GGT1: variants seen among roughly 807,000 people sequenced by gnomAD.
The protein encoded by GGT1 is gamma-glutamyltransferase 1, also known as glutathione hydrolase 1 proenzyme.
Under a neutral mutation model 56.0 loss-of-function variants are expected in GGT1, and 21 were observed. The ratio of observed to expected loss-of-function variants is 0.38; its 90% confidence interval spans 0.27 to 0.54. The LOEUF (loss-of-function observed/expected upper bound fraction) is 0.54. GGT1 is among the 20% of genes least tolerant of loss of function. GGT1 has a pLI of 0.82. For missense variants in GGT1, 466 were observed against 787.0 expected (o/e 0.59, Z 4.88); for synonymous variants, 238 against 342.6 (o/e 0.69, Z 3.37).
chr22:24,626,246 G>A (rs2047755601), intron 11 of GGT1, among the ~76,000 whole-genome samples: 1 of 148,730 alleles, frequency 6.7e-6, no homozygotes, highest in Non-Finnish European at 1.5e-5. Flanking sequence ...CCCTCCCAAA[G>A]TGCTGGGATT....
At chr22:24,624,706 T>C (rs4049834) in intron 11 of GGT1, 1 of 979,346 alleles carries the variant, frequency 1.0e-6, no homozygotes, top group African/African-American at 1.8e-5. Context: ...CAATGCTCCT[T>C]TCTGCCTCTG....
intron 5 of GGT1, among the ~76,000 whole-genome samples, chr22:24,612,938 G>T (rs1162651013): frequency 6.6e-6 from 1 of 152,042 alleles, no homozygotes; most frequent in South Asian, 2.1e-4. Flanking sequence ...TGATCTTCCC[G>T]CCTCAGCTTC....
chr22:24,627,963 C>T lies in GGT1; in HGVS notation c.1320C>T (p.Ala440=), dbSNP rs766628439. The part of the protein sequence containing the change: ...TNEFGVPPSP[A]NFIQPGKQPL... ...AGTTTGGGGTACCCCCCTCACCTGC[C>T]AATTTCATCCAGCCAGGTATGGGGT... Residue 440 remains alanine (A), a synonymous_variant, in exon 13 of 16, where the codon GCC becomes GCT. Transcript: ENST00000400382. 2 of 1,564,268 alleles carry T rather than the reference C, an allele frequency of 1.3e-6. No homozygotes were observed. The highest frequency in any genetic ancestry group is 1.1e-5 in the South Asian group (1 of 90,094).
the GGT1 span, chr22:24,586,516 A>G: frequency 8.3e-7 from 1 of 1,201,388 alleles, no homozygotes; most frequent in African/African-American, 1.5e-5. Flanking sequence ...AGTCTGGCAA[A>G]GCCAGATTCA....
chr22:24,612,351 G>A (rs1268031222), intron 5 of GGT1, among the ~76,000 whole-genome samples: 6 of 145,330 alleles, frequency 4.1e-5, no homozygotes, highest in Non-Finnish European at 9.0e-5. Flanking sequence ...TGTGCACAAT[G>A]TGCAGGTTTG....
chr22:24,621,015 G>A lies in GGT1; in HGVS notation c.678G>A (p.Gln226=). The stretch of plus-strand genomic sequence containing the variant: ...AGACGCTGGCCATCGAGGGTGCCCA[G>A]GCCTTCTACAACGGCAGCCTCACGG... ...TYETLAIEGA[Q]AFYNGSLTAQ... Residue 226 remains glutamine, a synonymous_variant, in exon 9 of 16, where the codon CAG becomes CAA. Coordinates refer to ENST00000400382, the MANE Select transcript of GGT1 (RefSeq NM_001288833.2). 6.2e-7 allele frequency: 1 copy of A among 1,610,016 alleles called. No individual in the cohort carries two copies. The highest frequency in any genetic ancestry group is 8.5e-7 in the Non-Finnish European group (1 of 1,178,926).
In GGT1 at chr22:24,628,825, C is replaced by G. The variant is rs2047949532; in HGVS notation, c.1696C>G (p.Pro566Ala). The change falls in exon 16 of 16, where the codon CCT becomes GCT. Residue 566 changes from proline to alanine, a missense_variant. Pro to Ala is a conservative substitution (Grantham distance 27, BLOSUM62 -1). Around this residue, in one of 2 missense-constraint regions of GGT1, gnomAD observed 10 missense variants for 70.3 expected, o/e 0.14. Coordinates refer to ENST00000400382, the MANE Select transcript of GGT1 (RefSeq NM_001288833.2). This position sits in a 1 kb window ranked among gnomAD's most constrained non-coding sequence, Gnocchi z 5.7. ...AASDSRKGGE[P>A]AGY is the part of the protein sequence containing the mutation. ...CTCGGACTCCAGGAAAGGCGGGGAG[C>G]CTGCCGGCTACTGAGTGCTCCAGGA... 1.9e-6 allele frequency: 3 copies of G among 1,601,896 alleles called. No homozygotes were observed. The highest frequency in any genetic ancestry group is 1.3e-5 in the African/African-American group (1 of 74,700).
chr22:24,604,052 G>A (rs1346497472), intron 1 of GGT1, among the ~76,000 whole-genome samples: 1 of 152,096 alleles, frequency 6.6e-6, no homozygotes, highest in Non-Finnish European at 1.5e-5. Flanking sequence ...CGCAAGGGTG[G>A]AAACTGTGAG....
the GGT1 span, chr22:24,588,254 G>C: frequency 1.2e-6 from 2 of 1,613,580 alleles, no homozygotes; most frequent in Non-Finnish European, 1.7e-6. Flanking sequence ...GACCCTTGCT[G>C]CTGCTTCGAG....
In GGT1 at chr22:24,607,967, G is replaced by A. The variant is rs2076999; in HGVS notation, c.-415G>A. 175,997 of 468,200 alleles carry A rather than the reference G, an allele frequency of 0.38. 34,828 individuals carry two copies. Among genetic ancestry groups the A allele is most frequent in the African/African-American group, 0.54 (27,073 of 49,880 alleles). The allele number at this position is 468,200 out of a possible 1,614,324, so 29.0% of individuals were successfully genotyped here. A position where few individuals can be genotyped will look rare whatever the true frequency, so the allele number is the denominator to read the frequency against. On this transcript the variant is annotated 5_prime_UTR_variant, in exon 2 of 16. Transcript: ENST00000400382. ...CTTCCTCCCCAGCGGGTGCAGCCCA[G>A]AACTGTCTTCTGAGGAAGAGGTGCT...
intron 5 of GGT1, among the ~76,000 whole-genome samples, chr22:24,611,736 C>G (rs1379299576): frequency 6.6e-6 from 1 of 151,424 alleles, no homozygotes; most frequent in Non-Finnish European, 1.5e-5. Context: ...TCCCAAGTAG[C>G]TGGGATTACA....
At chr22:24,616,548 T>C (rs564738347) in intron 7 of GGT1, among the ~76,000 whole-genome samples, 5 of 149,508 alleles carry the variant, frequency 3.3e-5, no homozygotes, top group South Asian at 4.2e-4. Context: ...TTTTTCTTTT[T>C]TTTTTCTTTT....
intron 7 of GGT1, among the ~76,000 whole-genome samples, chr22:24,616,854 T>C (rs1009966674): frequency 2.1e-5 from 3 of 145,622 alleles, no homozygotes; most frequent in Non-Finnish European, 4.4e-5. Flanking sequence ...CAATCTTTCA[T>C]TTTTTTTTAA....
In GGT1 at chr22:24,623,392, C is replaced by T. The variant is rs1370893230; in HGVS notation, c.883+136C>T. The stretch of plus-strand genomic sequence containing the variant: ...ACTGAGCTCCCGAGGTGTGTCCCTG[C>T]GTCACAGTTCACCATGTCCTGAAGG... On this transcript the variant is annotated intron_variant, in intron 10 of 15. Coordinates refer to ENST00000400382, the MANE Select transcript of GGT1 (RefSeq NM_001288833.2). The T allele has an allele frequency of 2.0e-5, 21 of 1,070,302 alleles. 1 individual carries two copies. The highest frequency in any genetic ancestry group is 6.9e-5 in the South Asian group (5 of 72,530). 66.3% of individuals were successfully genotyped at this position (1,070,302 alleles called of 1,614,324 possible). A position where few individuals can be genotyped will look rare whatever the true frequency, so the allele number is the denominator to read the frequency against.
At position 24,610,039 on chromosome 22, in the gene GGT1, T is replaced by G; in HGVS notation, c.-290+6T>G. 2.1e-6 allele frequency: 1 copy of G among 465,772 alleles called. No homozygotes were observed. The highest frequency in any genetic ancestry group is 1.6e-5 in the South Asian group (1 of 64,176). 28.9% of individuals were successfully genotyped at this position (465,772 alleles called of 1,614,324 possible). A position where few individuals can be genotyped will look rare whatever the true frequency, so the allele number is the denominator to read the frequency against. The stretch of plus-strand genomic sequence containing the variant: ...TGCCTGAGGCCCCACAGCAGGTGAG[T>G]GGCAAGTCCAGCATCAGAGCAGGGC... On this transcript the variant is annotated splice_donor_region_variant and intron_variant, in intron 3 of 15. Coordinates refer to ENST00000400382, the MANE Select transcript of GGT1 (RefSeq NM_001288833.2).
chr22:24,616,797 G>A lies in GGT1; in HGVS notation c.382+1670G>A, dbSNP rs530741521. 3.3e-5 allele frequency among the ~76,000 whole-genome samples: 5 copies of A among 151,938 alleles called. No homozygotes were observed. In the South Asian group the frequency reaches 6.2e-4, roughly 19 times the overall value. The stretch of plus-strand genomic sequence containing the variant: ...CCTGACCTCGTGATCCCCCGGCCTC[G>A]GCCTCCCAAAGTGCTGGAATTACAG... On this transcript the variant is annotated intron_variant, in intron 7 of 15. Transcript: ENST00000400382.
At position 24,611,104 on chromosome 22, in the gene GGT1, T is replaced by C; in HGVS notation, c.23T>C (p.Leu8Pro). Residue 8 changes from leucine (L) to proline (P), a missense_variant, in exon 5 of 16, where the codon CTG (leucine) becomes CCG (proline). Leu to Pro is a moderately conservative substitution (Grantham distance 98). Transcript: ENST00000400382. ...GCCATGAAGAAGAAGTTAGTGGTGC[T>C]GGGCCTGCTGGCCGTGGTCCTGGTG... MKKKLVV[L>P]GLLAVVLVLV... The C allele has an allele frequency of 1.2e-6, 2 of 1,603,792 alleles. No individual in the cohort carries two copies. Among genetic ancestry groups the C allele is most frequent in the South Asian group, 2.2e-5 (2 of 89,390 alleles).
chr22:24,601,267 C>T (rs1198916388), upstream of GGT1, among the ~76,000 whole-genome samples: 1 of 152,218 alleles, frequency 6.6e-6, no homozygotes, highest in Non-Finnish European at 1.5e-5. Flanking sequence ...TGTCATGCCC[C>T]CATGCGCCCC....
At chr22:24,586,027 C>T in the GGT1 span, 5 of 1,611,014 alleles carry the variant, frequency 3.1e-6, no homozygotes, top group African/African-American at 2.7e-5. Context: ...GTGAGGTGCG[C>T]TGGCTCAGCC....
Sources: gnomAD v4.1 joint callset for allele counts (sites outside exome capture counted in the v4.1 genomes callset) on GRCh38, gnomAD v4.1.1 for gene constraint, gnomAD v4.1.1 regional missense constraint, Gnocchi (gnomAD v3.1) non-coding constraint, MANE v1.5 for transcripts, NCBI Gene and HGNC (gene_info 2026-07-23, HGNC 2026-07-21) for gene names.